The following LMBRD1 variants were observed in gnomAD, a reference collection of about 807,000 sequenced individuals.
LMBRD1 encodes LMBR1 domain containing 1.
A neutral mutation model predicts 74.8 loss-of-function variants in LMBRD1; 64 were observed. The observed-to-expected ratio is 0.86, with a 90% CI of 0.70 to 1.05. LMBRD1 has a LOEUF of 1.05. Among genes scored for constraint, LMBRD1 ranks in the 50% least tolerant of loss-of-function variants. The probability of loss-of-function intolerance (pLI) is 0.00; values close to 1 mark genes in which losing one functional copy is unlikely to be tolerated. For missense variants in LMBRD1, 652 were observed against 645.9 expected (o/e 1.01, Z -0.10); for synonymous variants, 204 against 216.3 (o/e 0.94, Z 0.50).
intron 2 of LMBRD1, among the ~76,000 whole-genome samples, chr6:69,785,494 C>T (rs1007439492): frequency 6.6e-6 from 1 of 152,138 alleles, no homozygotes; most frequent in Non-Finnish European, 1.5e-5. Flanking sequence ...TTCTCTACAC[C>T]CCCTCACTTG....
intron 14 of LMBRD1, among the ~76,000 whole-genome samples, chr6:69,684,464 A>G (rs1765722116): frequency 6.6e-6 from 1 of 152,102 alleles, no homozygotes; most frequent in Non-Finnish European, 1.5e-5. Context: ...AGTTAAAATG[A>G]AAGTAGGAGA....
At chr6:69,693,784 C>G (rs1204915220) in intron 14 of LMBRD1, among the ~76,000 whole-genome samples, 1 of 151,812 alleles carries the variant, frequency 6.6e-6, no homozygotes, top group South Asian at 2.1e-4. Context: ...AATCCAATGT[C>G]CTAATCTGGT....
chr6:69,680,935 T>A (rs971587496), intron 14 of LMBRD1, among the ~76,000 whole-genome samples: 2 of 152,088 alleles, frequency 1.3e-5, no homozygotes, highest in Admixed American at 1.3e-4. Flanking sequence ...TCTATAATTA[T>A]CCAACTAAGA....
At chr6:69,699,736 T>C (rs1312752330) in intron 12 of LMBRD1, among the ~76,000 whole-genome samples, 19 of 151,842 alleles carry the variant, frequency 1.3e-4, no homozygotes, top group Admixed American at 1.2e-3. Flanking sequence ...TTCATTTCAA[T>C]AGCATAGCAA....
Position 69,741,781 on chromosome 6 carries a change from A to T in LMBRD1, c.562+8T>A, listed in dbSNP as rs1309898100. ...ACTACTATGTTTTTTAAAAAAAACAATACTTACGACTACTTCCAAGTTCTT... is the reference window on the plus strand; with the variant it reads ...ACTACTATGTTTTTTAAAAAAAACATTACTTACGACTACTTCCAAGTTCTT... On this transcript the variant is annotated splice_region_variant and intron_variant, in intron 6 of 15. Transcript: ENST00000649934. The T allele has an allele frequency of 6.6e-7, 1 of 1,508,826 alleles. No individual in the cohort carries two copies. The highest frequency in any genetic ancestry group is 1.1e-5 in the South Asian group (1 of 88,702). The allele number at this position is 1,508,826 out of a possible 1,614,324, so 93.5% of individuals were successfully genotyped here.
At position 69,674,493 on chromosome 6, in the gene LMBRD1, C is replaced by T. The variant is rs981161075; in HGVS notation, c.*1665G>A. The stretch of plus-strand genomic sequence containing the variant: ...CTTTGTTTAGGCAATCAAGTGTCTG[C>T]GGTGCCATTTGTCAAAAAAATGAAT... On this transcript the variant is annotated 3_prime_UTR_variant, in exon 16 of 16. Transcript: ENST00000649934. 6.6e-6 allele frequency among the ~76,000 whole-genome samples: 1 copy of T among 152,092 alleles called. No individual in the cohort carries two copies. The highest frequency in any genetic ancestry group is 2.4e-5 in the African/African-American group (1 of 41,418).
chr6:69,677,419 T>C (rs926451926), intron 14 of LMBRD1, among the ~76,000 whole-genome samples: 6 of 152,158 alleles, frequency 3.9e-5, no homozygotes, highest in African/African-American at 1.4e-4. Context: ...TCTAGGTTTA[T>C]GGCTGGCTTT....
At chr6:69,790,689 T>C in intron 1 of LMBRD1, 1 of 545,486 alleles carries the variant, frequency 1.8e-6, no homozygotes, top group East Asian at 3.3e-5. Flanking sequence ...ACACACACAA[T>C]ACTATTAATA....
intron 7 of LMBRD1, among the ~76,000 whole-genome samples, chr6:69,726,857 C>T (rs1012671326): frequency 6.6e-6 from 1 of 151,808 alleles, no homozygotes; most frequent in Admixed American, 6.6e-5. Context: ...TTTCGTTGTA[C>T]ATTTTAAAAT....
At chr6:69,764,052 A>G (rs200364085) in intron 3 of LMBRD1, among the ~76,000 whole-genome samples, 57 of 29,442 alleles carry the variant, frequency 1.9e-3, no homozygotes, top group African/African-American at 8.0e-3. Context: ...ATGCTGCAAC[A>G]AACTTAACAC....
intron 7 of LMBRD1, among the ~76,000 whole-genome samples, chr6:69,726,300 C>T (rs1766733719): frequency 6.6e-6 from 1 of 152,132 alleles, no homozygotes; most frequent in African/African-American, 2.4e-5. Flanking sequence ...AGTACAACCA[C>T]TACAGAGAAT....
intron 2 of LMBRD1, among the ~76,000 whole-genome samples, chr6:69,784,038 T>C (rs1289056307): frequency 6.6e-6 from 1 of 152,234 alleles, no homozygotes; most frequent in South Asian, 2.1e-4. Flanking sequence ...ATCACTCAAG[T>C]ACTGTTAGTG....
intron 14 of LMBRD1, among the ~76,000 whole-genome samples, chr6:69,692,413 C>A (rs1323852720): frequency 6.6e-6 from 1 of 151,962 alleles, no homozygotes; most frequent in East Asian, 1.9e-4. Context: ...TAAGACAACA[C>A]AAGTTTACAA....
At chr6:69,723,077 G>C (rs1766651868) in intron 7 of LMBRD1, among the ~76,000 whole-genome samples, 1 of 152,074 alleles carries the variant, frequency 6.6e-6, no homozygotes, top group Non-Finnish European at 1.5e-5. Context: ...TGTATGAAAA[G>C]ACAAAGAAGA....
rs575671420 is a variant in LMBRD1 at position 69,770,254 on chromosome 6, G to T, written c.307+10240C>A. On this transcript the variant is annotated intron_variant, in intron 3 of 15. Transcript: ENST00000649934. ...TTCTGATACAGCAGTACAGCTGTAG[G>T]TCCTCCCTGGACCCACCCTGCCCTG... Among the ~76,000 whole-genome samples, 28 of 152,278 alleles carry T rather than the reference G, an allele frequency of 1.8e-4. 1 individual carries two copies. In the South Asian group the frequency reaches 3.1e-3, roughly 17 times the overall value.
chr6:69,790,618 C>A, intron 1 of LMBRD1, 146 bp from the exon 2 acceptor site: 1 of 758,110 alleles, frequency 1.3e-6, no homozygotes, highest in South Asian at 1.5e-5. Flanking sequence ...CCCTTAAAAA[C>A]TTGTCCAAGA....
intron 14 of LMBRD1, among the ~76,000 whole-genome samples, chr6:69,679,928 G>A (rs1055693571): frequency 6.6e-6 from 1 of 152,068 alleles, no homozygotes; most frequent in Non-Finnish European, 1.5e-5. Flanking sequence ...CAATTGTGAA[G>A]AGCTACTCAA....
At chr6:69,730,029 C>G (rs906648159) in intron 7 of LMBRD1, among the ~76,000 whole-genome samples, 5 of 151,486 alleles carry the variant, frequency 3.3e-5, no homozygotes, top group Admixed American at 6.6e-5. Context: ...CTACTGCCCT[C>G]TAGTGAATTT....
At chr6:69,717,968 C>T (rs561692070) in intron 8 of LMBRD1, among the ~76,000 whole-genome samples, 13 of 152,130 alleles carry the variant, frequency 8.5e-5, no homozygotes, top group Non-Finnish European at 1.5e-4. Flanking sequence ...GCCACCAGTA[C>T]GTACCTAGCC....
Sources: allele counts gnomAD v4.1 joint callset (sites outside exome capture counted in the v4.1 genomes callset), GRCh38; gene constraint gnomAD v4.1.1; transcripts MANE v1.5; gene names NCBI Gene and HGNC (gene_info 2026-07-23, HGNC 2026-07-21).